KIAA0753: variants seen among roughly 807,000 people sequenced by gnomAD.
The protein encoded by KIAA0753 is KIAA0753, also known as protein moonraker.
Under a neutral mutation model 116.9 loss-of-function variants are expected in KIAA0753, and 114 were observed. The observed-to-expected ratio is 0.98, with a 90% CI of 0.84 to 1.14. The LOEUF is 1.14. Ranked by LOEUF, KIAA0753 falls within the 50% of genes most tolerant of loss-of-function variation. The probability of loss-of-function intolerance (pLI) is 0.00; values close to 1 mark genes in which losing one functional copy is unlikely to be tolerated. For missense variants in KIAA0753, 1,156 were observed against 1,172.4 expected, an observed-to-expected ratio of 0.99 and a Z score of 0.20; for synonymous variants, 405 against 413.1, an observed-to-expected ratio of 0.98 and a Z score of 0.24.
chr17:6,612,955 G>A (rs1056367124), intron 7 of KIAA0753, among the ~76,000 whole-genome samples: 1 of 152,108 alleles, frequency 6.6e-6, no homozygotes, highest in South Asian at 2.1e-4. Flanking sequence ...TAATTTGATA[G>A]AGAATAAAGT....
At chr17:6,589,668 G>T in intron 18 of KIAA0753, 111 bp downstream of exon 18, 1 of 712,890 alleles carries the variant, frequency 1.4e-6, no homozygotes, top group Non-Finnish European at 2.2e-6. Context: ...TGAAACTCCA[G>T]GGCCCAAAAG....
chr17:6,616,002 G>A (rs1379032637), intron 7 of KIAA0753, among the ~76,000 whole-genome samples: 1 of 151,726 alleles, frequency 6.6e-6, no homozygotes, highest in East Asian at 1.9e-4. Context: ...TTTCAGGGGT[G>A]GGTGGGGAAG....
intron 12 of KIAA0753, 125 bp from the exon 13 acceptor site, chr17:6,600,583 A>AT: frequency 1.5e-6 from 1 of 663,144 alleles, no homozygotes; most frequent in East Asian, 2.8e-5. Flanking sequence ...GTTCATGGCC[A>AT]TATCAATCTC....
At chr17:6,611,671 C>A (rs1313861562) in intron 8 of KIAA0753, among the ~76,000 whole-genome samples, 3 of 152,008 alleles carry the variant, frequency 2.0e-5, no homozygotes, top group Admixed American at 2.0e-4. Flanking sequence ...AATCTCCTGC[C>A]CAATTAGGAT....
intron 12 of KIAA0753, among the ~76,000 whole-genome samples, chr17:6,604,753 C>T (rs1970086771): frequency 6.6e-6 from 1 of 151,978 alleles, no homozygotes; most frequent in Non-Finnish European, 1.5e-5. Flanking sequence ...TAGTACTGTG[C>T]TGTAGTTTCC....
chr17:6,619,153 T>C (rs6502963), intron 7 of KIAA0753, among the ~76,000 whole-genome samples: 97,371 of 151,510 alleles, frequency 0.64, 31,941 homozygotes, highest in African/African-American at 0.78. Context: ...TGCTTAAACC[T>C]GGGAGGCAGA....
intron 2 of KIAA0753, among the ~76,000 whole-genome samples, chr17:6,629,966 A>G (rs1265161448): frequency 6.6e-6 from 1 of 151,892 alleles, no homozygotes; most frequent in Non-Finnish European, 1.5e-5. Flanking sequence ...TAAAAAACAT[A>G]TAAAAATTAG....
At chr17:6,610,927 C>A (rs1036677716) in intron 8 of KIAA0753, among the ~76,000 whole-genome samples, 1 of 152,140 alleles carries the variant, frequency 6.6e-6, no homozygotes, top group African/African-American at 2.4e-5. Flanking sequence ...GATTCATGGT[C>A]GCCCCCTGCC....
chr17:6,607,304 G>C lies in KIAA0753; in HGVS notation c.1830-34C>G, dbSNP rs540794602. On this transcript the variant is annotated intron_variant, in intron 10 of 18. Coordinates refer to ENST00000361413, the MANE Select transcript of KIAA0753 (RefSeq NM_014804.3). ...CAGTCAAAAGAGTCAAACCAATTCT[G>C]CCTCGACACTGCAGGGTGTCATCAT... 50 of 1,544,846 alleles carry C rather than the reference G, an allele frequency of 3.2e-5. 3 individuals carry two copies. The South Asian group carries it at 5.5e-4, about 17-fold the overall frequency.
intron 8 of KIAA0753, among the ~76,000 whole-genome samples, 157 bp downstream of exon 8, chr17:6,611,762 T>C (rs1485449976): frequency 2.0e-5 from 3 of 152,238 alleles, no homozygotes; most frequent in Non-Finnish European, 4.4e-5. Flanking sequence ...TAAAAATTGT[T>C]ATTTTTTTGT....
At chr17:6,615,614 CAAAAAAA>C (rs60310389) in intron 7 of KIAA0753, among the ~76,000 whole-genome samples, 3 of 58,764 alleles carry the variant, frequency 5.1e-5, no homozygotes, top group African/African-American at 2.0e-4. Flanking sequence ...GACTCCGTCT[CAAAAAAA>C]AAAAAAAAAA....
Position 6,620,773 on chromosome 17 carries a change from C to T in KIAA0753, c.1315+15G>A. ...TGAATAAAATGTCTTACAATAAACA[C>T]TTTAAGACACATACCGGCAAGAAGC... On this transcript the variant is annotated intron_variant, in intron 7 of 18. Transcript: ENST00000361413. 6.2e-7 allele frequency: 1 copy of T among 1,609,854 alleles called. No individual in the cohort carries two copies. The highest frequency in any genetic ancestry group is 8.5e-7 in the Non-Finnish European group (1 of 1,176,110).
chr17:6,602,677 C>A (rs1036616242), intron 12 of KIAA0753, among the ~76,000 whole-genome samples: 5 of 152,180 alleles, frequency 3.3e-5, no homozygotes, highest in African/African-American at 1.2e-4. Context: ...GACAAATTAT[C>A]TATCTTGATT....
intron 12 of KIAA0753, among the ~76,000 whole-genome samples, chr17:6,601,980 A>G (rs943777306): frequency 1.3e-5 from 2 of 152,222 alleles, no homozygotes; most frequent in Non-Finnish European, 2.9e-5. Flanking sequence ...CTAATAGGCA[A>G]AAGACTTGAA....
intron 12 of KIAA0753, among the ~76,000 whole-genome samples, chr17:6,605,200 A>C (rs1449184534): frequency 6.6e-6 from 1 of 152,092 alleles, no homozygotes; most frequent in East Asian, 1.9e-4. Context: ...GTCTAAGCCT[A>C]GATTCCTGGC....
At chr17:6,626,408 T>A (rs12602063) in intron 3 of KIAA0753, among the ~76,000 whole-genome samples, 64,565 of 151,932 alleles carry the variant, frequency 0.42, 14,491 homozygotes, top group East Asian at 0.7. Flanking sequence ...AAGTCAGGAG[T>A]TGTAGATACA....
chr17:6,620,892 C>T lies in KIAA0753; in HGVS notation c.1211G>A (p.Arg404Lys). ...ACCCTTTGGTGATGTACTTGGCCAT[C>T]TCTCCAAGGCCTTTTGGCTACCGAT... is the stretch of plus-strand genomic sequence containing the variant. ...FPIGSQKALE[R>K]WPSTSPKGER... The change falls in exon 7 of 19, where the codon AGA becomes AAA. Residue 404 changes from arginine to lysine, a missense_variant. Arg to Lys is a conservative substitution (Grantham distance 26). Transcript: ENST00000361413. 1 of 1,614,138 alleles carries T rather than the reference C, an allele frequency of 6.2e-7. No individual in the cohort carries two copies. The highest frequency in any genetic ancestry group is 1.1e-5 in the South Asian group (1 of 91,084).
chr17:6,613,843 T>C (rs1290617146), intron 7 of KIAA0753, among the ~76,000 whole-genome samples: 1 of 152,196 alleles, frequency 6.6e-6, no homozygotes, highest in Non-Finnish European at 1.5e-5. Context: ...AGCTCAAATA[T>C]AATACTGACA....
At chr17:6,625,314 A>G (rs1971592759) in intron 3 of KIAA0753, among the ~76,000 whole-genome samples, 1 of 152,240 alleles carries the variant, frequency 6.6e-6, no homozygotes, top group Non-Finnish European at 1.5e-5. Flanking sequence ...CCTGAAAGAC[A>G]CTTAACATGG....
Sources: gnomAD v4.1 joint callset for allele counts (sites outside exome capture counted in the v4.1 genomes callset) on GRCh38, gnomAD v4.1.1 for gene constraint, MANE v1.5 for transcripts, NCBI Gene and HGNC (gene_info 2026-07-23, HGNC 2026-07-21) for gene names.